SLC35F3: variants seen among roughly 807,000 people sequenced by gnomAD.
SLC35F3 encodes the protein solute carrier family 35 member F3.
In SLC35F3, 25 loss-of-function variants were observed where a neutral mutation model predicts 49.9. The ratio of observed to expected loss-of-function variants is 0.50; its 90% confidence interval spans 0.37 to 0.70. SLC35F3 has a LOEUF of 0.70. Among genes scored for constraint, SLC35F3 ranks in the 30% least tolerant of loss-of-function variants. The probability of loss-of-function intolerance (pLI) is 0.00; values close to 1 mark genes in which losing one functional copy is unlikely to be tolerated. For missense variants in SLC35F3, 525 were observed against 639.8 expected, an observed-to-expected ratio of 0.82 and a Z score of 1.94; for synonymous variants, 275 against 265.4, an observed-to-expected ratio of 1.04 and a Z score of -0.35.
intron 2 of SLC35F3, among the ~76,000 whole-genome samples, chr1:234,067,487 G>A (rs1184913346): frequency 6.6e-6 from 1 of 152,198 alleles, no homozygotes; most frequent in Non-Finnish European, 1.5e-5. Flanking sequence ...GCATCCGTGA[G>A]TGGTCTTCTT....
At chr1:234,157,693 A>G (rs112599645) in intron 2 of SLC35F3, among the ~76,000 whole-genome samples, 1,651 of 152,156 alleles carry the variant, frequency 0.011, 34 homozygotes, top group African/African-American at 0.037. Context: ...GGGTTTTTGA[A>G]TCATTAACCT....
At chr1:234,011,031 C>A (rs1432444983) in intron 2 of SLC35F3, among the ~76,000 whole-genome samples, 1 of 152,136 alleles carries the variant, frequency 6.6e-6, no homozygotes, top group African/African-American at 2.4e-5. Flanking sequence ...TTCATATAAG[C>A]AAGAGTTAAG....
At chr1:234,295,579 T>C (rs940294760) in intron 3 of SLC35F3, among the ~76,000 whole-genome samples, 6 of 152,254 alleles carry the variant, frequency 3.9e-5, no homozygotes, top group African/African-American at 1.4e-4. Context: ...TTTCATTGGT[T>C]GTCTTTCCAC....
intron 2 of SLC35F3, among the ~76,000 whole-genome samples, chr1:234,142,855 T>C (rs1330779299): frequency 1.3e-5 from 2 of 152,214 alleles, no homozygotes; most frequent in Admixed American, 6.5e-5. Context: ...CATTAAAAGA[T>C]TGAGTTATAT....
chr1:233,953,864 G>T (rs186416747), intron 2 of SLC35F3, among the ~76,000 whole-genome samples: 1 of 152,166 alleles, frequency 6.6e-6, no homozygotes, highest in African/African-American at 2.4e-5. Context: ...GAAAAGAAAT[G>T]TGTAGACCAT....
chr1:234,282,554 C>T (rs1215651979), intron 3 of SLC35F3, among the ~76,000 whole-genome samples: 1 of 152,212 alleles, frequency 6.6e-6, no homozygotes, highest in East Asian at 1.9e-4. Context: ...GGAGATGCCC[C>T]AGCGACCAGG....
intron 2 of SLC35F3, among the ~76,000 whole-genome samples, chr1:234,206,065 G>C (rs1461932740): frequency 1.3e-5 from 2 of 152,156 alleles, no homozygotes; most frequent in Non-Finnish European, 2.9e-5. Context: ...GCACGTGGCA[G>C]CTGGGGGAGC....
chr1:234,142,441 C>T (rs772226885), intron 2 of SLC35F3, among the ~76,000 whole-genome samples: 3 of 152,068 alleles, frequency 2.0e-5, no homozygotes, highest in East Asian at 1.9e-4. Context: ...TTGTCCACTG[C>T]GGTGGAGAGG....
intron 2 of SLC35F3, among the ~76,000 whole-genome samples, chr1:234,226,931 C>A (rs1667293543): frequency 6.6e-6 from 1 of 150,520 alleles, no homozygotes; most frequent in Non-Finnish European, 1.5e-5. Context: ...CAAAAGAACA[C>A]TCCCCCTGCA....
At chr1:234,172,636 C>G (rs868574729) in intron 2 of SLC35F3, among the ~76,000 whole-genome samples, 4 of 152,236 alleles carry the variant, frequency 2.6e-5, no homozygotes, top group South Asian at 2.1e-4. Context: ...CGAGCACTCA[C>G]AAACCTAGAT....
rs568519026 is a variant in SLC35F3 at position 234,098,045 on chromosome 1, G to A, written c.284-133372G>A. 6.0e-5 allele frequency among the ~76,000 whole-genome samples: 9 copies of A among 151,162 alleles called. No homozygotes were observed. In the South Asian group the frequency reaches 1.7e-3, roughly 28 times the overall value. On this transcript the variant is annotated intron_variant, in intron 2 of 7. Transcript: ENST00000366618. Reference sequence around the variant, plus strand: ...AGGTGGTGACTGTGTTGGTGGTGGTGGTGGCAGTTCAGATGGTGGTGGTAG... The same window carrying A: ...AGGTGGTGACTGTGTTGGTGGTGGTAGTGGCAGTTCAGATGGTGGTGGTAG...
intron 3 of SLC35F3, among the ~76,000 whole-genome samples, chr1:234,296,301 G>A (rs939267037): frequency 1.4e-4 from 22 of 152,126 alleles, no homozygotes; most frequent in African/African-American, 4.1e-4. Flanking sequence ...ATGGTCCTAT[G>A]GGGTCTTTCT....
chr1:234,119,324 G>A (rs1054164783), intron 2 of SLC35F3, among the ~76,000 whole-genome samples: 9 of 147,848 alleles, frequency 6.1e-5, no homozygotes, highest in Non-Finnish European at 8.9e-5. Flanking sequence ...TTCTGAAAGC[G>A]TTCAAACAAA....
At chr1:233,909,042 A>G (rs750140381) in intron 2 of SLC35F3, among the ~76,000 whole-genome samples, 20 of 150,972 alleles carry the variant, frequency 1.3e-4, no homozygotes, top group Admixed American at 6.6e-4. Context: ...TATTTTTAGT[A>G]GAGACAGGGT....
rs565031838 is a variant in SLC35F3, at chr1:233,941,585, G to T, written c.283+35827G>T. 5.9e-5 allele frequency among the ~76,000 whole-genome samples: 9 copies of T among 152,224 alleles called. No individual in the cohort carries two copies. The South Asian group carries it at 1.9e-3, about 32-fold the overall frequency. ...GAAGTAAATTAACCAGTTAATTAAA[G>T]TTTTGTGGGGTTCAAAAAACCAATT... On this transcript the variant is annotated intron_variant, in intron 2 of 7. Transcript: ENST00000366618.
chr1:234,032,096 C>T (rs992482241), intron 2 of SLC35F3, among the ~76,000 whole-genome samples: 13 of 152,064 alleles, frequency 8.5e-5, no homozygotes, highest in African/African-American at 2.9e-4. Flanking sequence ...ATTGATACTT[C>T]GTGATTGTTC....
intron 2 of SLC35F3, among the ~76,000 whole-genome samples, chr1:234,120,844 G>C (rs998711940): frequency 2.0e-5 from 3 of 152,124 alleles, no homozygotes; most frequent in Non-Finnish European, 2.9e-5. Context: ...ATTTACAATC[G>C]AGGGATCTTT....
chr1:234,256,807 AT>A (rs1458498763), intron 3 of SLC35F3, among the ~76,000 whole-genome samples: 11 of 152,186 alleles, frequency 7.2e-5, no homozygotes, highest in Admixed American at 6.5e-4. Context: ...CTTATTGAAT[AT>A]GTATATTTGG....
At chr1:234,164,634 A>G (rs1236054090) in intron 2 of SLC35F3, among the ~76,000 whole-genome samples, 22 of 152,084 alleles carry the variant, frequency 1.4e-4, no homozygotes, top group Admixed American at 1.4e-3. Context: ...GTCTAACAGT[A>G]TGCAGGGTCA....
Sources: gnomAD v4.1 joint callset for allele counts (sites outside exome capture counted in the v4.1 genomes callset) on GRCh38, gnomAD v4.1.1 for gene constraint, MANE v1.5 for transcripts, NCBI Gene and HGNC (gene_info 2026-07-23, HGNC 2026-07-21) for gene names.